Variants in RAD54L2 observed in about 807,000 individuals in gnomAD.
RAD54L2 encodes the protein RAD54 like 2, also known as helicase ARIP4.
A neutral mutation model predicts 138.4 loss-of-function variants in RAD54L2; 27 were observed. The observed-to-expected ratio is 0.20, with a 90% confidence interval of 0.14 to 0.27. The LOEUF (loss-of-function observed/expected upper bound fraction) is 0.27. Among genes scored for constraint, RAD54L2 ranks in the 10% least tolerant of loss-of-function variants. The probability of loss-of-function intolerance (pLI) is 1.00; values close to 1 mark genes in which losing one functional copy is unlikely to be tolerated. For synonymous variants in RAD54L2, 644 were observed against 723.2 expected (o/e 0.89, Z 1.76); for missense variants, 1,396 against 1,890.2 (o/e 0.74, Z 4.85).
intron 2 of RAD54L2, among the ~76,000 whole-genome samples, chr3:51,589,699 C>CAT (rs1456787189): frequency 6.6e-6 from 1 of 151,728 alleles, no homozygotes; most frequent in East Asian, 1.9e-4. Flanking sequence ...CACACACACA[C>CAT]ACACACACAT....
rs764611386 is a variant in RAD54L2, at chr3:51,638,653, T to C, written c.1860+332T>C. 2 of 233,956 alleles carry C rather than the reference T, an allele frequency of 8.5e-6. No individual in the cohort carries two copies. Among genetic ancestry groups the C allele is most frequent in the Non-Finnish European group, 1.7e-5 (2 of 120,244 alleles). 14.5% of individuals were successfully genotyped at this position (233,956 alleles called of 1,614,324 possible). On this transcript the variant is annotated intron_variant, in intron 12 of 22. Transcript: ENST00000684192. The surrounding 1 kb of genome is among the most constrained non-coding windows in gnomAD (Gnocchi z 4.3). ...TAGCATAATCAGAATTCAAGAGATA[T>C]ATAGCTTAGACAAGTTATTAGGGGT...
At chr3:51,595,840 G>A (rs1163713138) in intron 3 of RAD54L2, among the ~76,000 whole-genome samples, 1 of 151,764 alleles carries the variant, frequency 6.6e-6, no homozygotes, top group African/African-American at 2.4e-5. Flanking sequence ...CACGTTTAGG[G>A]TCTGTTGTTA....
intron 4 of RAD54L2, among the ~76,000 whole-genome samples, chr3:51,628,049 T>A (rs996546869): frequency 6.6e-6 from 1 of 152,166 alleles, no homozygotes; most frequent in Admixed American, 6.5e-5. Context: ...AGCTGGACTT[T>A]CCGGTTTTTC....
intron 22 of RAD54L2, among the ~76,000 whole-genome samples, chr3:51,660,553 C>T (rs551796666): frequency 3.6e-4 from 55 of 152,002 alleles, no homozygotes; most frequent in Middle Eastern, 6.8e-3. Context: ...CCTCGTGATC[C>T]GCCCGCCTCA....
intron 3 of RAD54L2, among the ~76,000 whole-genome samples, chr3:51,606,510 A>C (rs1012556911): frequency 6.6e-6 from 1 of 152,152 alleles, no homozygotes; most frequent in African/African-American, 2.4e-5. Flanking sequence ...CTGCTCTAAA[A>C]ATGCTCTTCT....
At chr3:51,615,640 G>T (rs1226491316) in intron 3 of RAD54L2, among the ~76,000 whole-genome samples, 1 of 152,174 alleles carries the variant, frequency 6.6e-6, no homozygotes, top group African/African-American at 2.4e-5. Flanking sequence ...AGGGAAGACA[G>T]ATGACAAATG....
intron 7 of RAD54L2, among the ~76,000 whole-genome samples, chr3:51,631,506 A>G (rs527370827): frequency 7.1e-6 from 1 of 141,182 alleles, no homozygotes; most frequent in African/African-American, 2.6e-5. Context: ...ACACCCAGCC[A>G]ATTTTTTTTT....
intron 21 of RAD54L2, among the ~76,000 whole-genome samples, chr3:51,659,596 T>C (rs1185164639): frequency 6.6e-6 from 1 of 152,184 alleles, no homozygotes; most frequent in Admixed American, 6.5e-5. Flanking sequence ...GCAGTAAGGC[T>C]CCTTCCTCGC....
At chr3:51,560,004 G>C (rs1000044650) in intron 2 of RAD54L2, among the ~76,000 whole-genome samples, 2 of 152,164 alleles carry the variant, frequency 1.3e-5, no homozygotes, top group Non-Finnish European at 2.9e-5. Context: ...TATGCTGTGT[G>C]AATCCTCACA....
intron 3 of RAD54L2, among the ~76,000 whole-genome samples, chr3:51,595,913 C>T (rs368013943): frequency 1.4e-5 from 2 of 146,924 alleles, no homozygotes; most frequent in East Asian, 4.1e-4. Context: ...AATAGTTTTT[C>T]TTTCTTTCAT....
At chr3:51,614,919 A>ATT (rs999915370) in intron 3 of RAD54L2, among the ~76,000 whole-genome samples, 2 of 147,020 alleles carry the variant, frequency 1.4e-5, no homozygotes, top group Non-Finnish European at 3.0e-5. Flanking sequence ...ATGATGAGGA[A>ATT]TTTTTTTTTT....
intron 3 of RAD54L2, among the ~76,000 whole-genome samples, chr3:51,600,221 C>T (rs766027572): frequency 6.6e-6 from 1 of 152,056 alleles, no homozygotes; most frequent in Non-Finnish European, 1.5e-5. Flanking sequence ...AGATTACAGG[C>T]GTGAGCCACC....
chr3:51,660,525 A>C (rs1264273281), intron 22 of RAD54L2, among the ~76,000 whole-genome samples: 1 of 151,616 alleles, frequency 6.6e-6, no homozygotes, highest in East Asian at 1.9e-4. Flanking sequence ...GTTAGCCAGG[A>C]TGGTCTTGAT....
At chr3:51,552,224 T>G (rs1255405822) in intron 2 of RAD54L2, among the ~76,000 whole-genome samples, 1 of 152,180 alleles carries the variant, frequency 6.6e-6, no homozygotes, top group African/African-American at 2.4e-5. Context: ...TTTATTTATT[T>G]GTTTATTTAC....
At chr3:51,558,305 A>G (rs1042697091) in intron 2 of RAD54L2, among the ~76,000 whole-genome samples, 1 of 152,146 alleles carries the variant, frequency 6.6e-6, no homozygotes, top group African/African-American at 2.4e-5. Context: ...TAAATGTTTT[A>G]AAATTTTTCT....
In RAD54L2 at chr3:51,637,601, A is replaced by G. The variant is rs1701018903; in HGVS notation, c.1682+98A>G. On this transcript the variant is annotated intron_variant, in intron 11 of 22. Coordinates refer to ENST00000684192, the MANE Select transcript of RAD54L2 (RefSeq NM_015106.4). This position sits in a 1 kb window ranked among gnomAD's most constrained non-coding sequence, Gnocchi z 5.9. ...ATACAGGATAGGGTGTTGGAGTAGG[A>G]GGGCCCCTTCCCTGGGGCAGTAGTA... is the stretch of plus-strand genomic sequence containing the variant. 1.6e-6 allele frequency: 2 copies of G among 1,229,922 alleles called. No individual in the cohort carries two copies. Among genetic ancestry groups the G allele is most frequent in the African/African-American group, 3.0e-5 (2 of 65,958 alleles). 76.2% of individuals were successfully genotyped at this position (1,229,922 alleles called of 1,614,324 possible).
At chr3:51,652,269 C>G (rs1052951505) in intron 19 of RAD54L2, among the ~76,000 whole-genome samples, 3 of 152,098 alleles carry the variant, frequency 2.0e-5, no homozygotes, top group Non-Finnish European at 2.9e-5. Context: ...AACCACTGCT[C>G]AACAAATAAA....
chr3:51,627,709 A>G lies in RAD54L2; in HGVS notation c.296A>G (p.Lys99Arg), dbSNP rs759076468. 3 of 1,613,834 alleles carry G rather than the reference A, an allele frequency of 1.9e-6. No individual in the cohort carries two copies. Among genetic ancestry groups the G allele is most frequent in the Non-Finnish European group, 2.5e-6 (3 of 1,179,832 alleles). The change falls in exon 4 of 23, where the codon AAA (lysine) becomes AGA (arginine). Residue 99 changes from lysine to arginine, a missense_variant. Coordinates refer to ENST00000684192, the MANE Select transcript of RAD54L2 (RefSeq NM_015106.4). ...AAGAACCTAGCCTCCGAGGACCCCA[A>G]AAAGAAGAGAGCTCAGAAGCCCTCC... ...QGKNLASEDP[K>R]KKRAQKPSHM...
In RAD54L2 at chr3:51,639,634, C is replaced by T. The variant is rs777171041; in HGVS notation, c.2076C>T (p.Phe692=). The T allele has an allele frequency of 1.2e-6, 2 of 1,613,762 alleles. No individual in the cohort carries two copies. Among genetic ancestry groups the T allele is most frequent in the Non-Finnish European group, 1.7e-6 (2 of 1,179,872 alleles). Residue 692 remains phenylalanine, a synonymous_variant, in exon 13 of 23, where the codon TTC becomes TTT. Coordinates refer to ENST00000684192, the MANE Select transcript of RAD54L2 (RefSeq NM_015106.4). ...KFLQGVGFNP[F]QERGNNIVTY... The stretch of plus-strand genomic sequence containing the variant: ...TACAGGGCGTTGGCTTCAACCCTTT[C>T]CAGGAGCGAGGCAACAACATTGTCA...
Sources: allele counts gnomAD v4.1 joint callset (sites outside exome capture counted in the v4.1 genomes callset), GRCh38; gene constraint gnomAD v4.1.1; non-coding constraint Gnocchi (gnomAD v3.1); transcripts MANE v1.5; gene names NCBI Gene and HGNC (gene_info 2026-07-23, HGNC 2026-07-21).